Variants in KLC3 observed in about 807,000 individuals in gnomAD.
KLC3 encodes kinesin light chain 3, also known as kinesin light chain 2.
In KLC3, 72 loss-of-function variants were observed where a neutral mutation model predicts 62.9. The ratio of observed to expected loss-of-function variants is 1.15; its 90% confidence interval spans 0.95 to 1.39. KLC3 has a LOEUF of 1.39. Ranked by LOEUF, KLC3 falls within the 40% of genes most tolerant of loss-of-function variation. KLC3 has a pLI of 0.00. For synonymous variants in KLC3, 377 were observed against 300.5 expected (o/e 1.25, Z -2.63); for missense variants, 848 against 691.6 (o/e 1.23, Z -2.54).
chr19:45,346,647 A>T lies in KLC3; in HGVS notation c.362A>T (p.Glu121Val), dbSNP rs758066797. 3 of 1,555,640 alleles carry T rather than the reference A, an allele frequency of 1.9e-6. No individual in the cohort carries two copies. The South Asian group carries it at 3.6e-5, about 18-fold the overall frequency. ...GCCCAGGAGAACGTGTGGCTGCGGG[A>T]GGAACTGGAGGAGACGCAGCGGCGG... ...RLAQENVWLREELEETQRRLR... is the reference protein window; with the variant it reads ...RLAQENVWLRVELEETQRRLR... The change falls in exon 3 of 13, where the codon GAG becomes GTG. Residue 121 changes from glutamate to valine, a missense_variant. By Grantham distance (121) the Glu-to-Val change is moderately radical. Coordinates refer to ENST00000391946, the MANE Select transcript of KLC3 (RefSeq NM_177417.3).
intron 1 of KLC3, among the ~76,000 whole-genome samples, chr19:45,343,059 G>T (rs562757448): frequency 1.3e-5 from 2 of 152,186 alleles, no homozygotes; most frequent in Non-Finnish European, 2.9e-5. Context: ...TGTGCATGGC[G>T]TGTAGGTGTG....
At chr19:45,346,265 CT>C (rs1246491520) in intron 2 of KLC3, among the ~76,000 whole-genome samples, 1 of 152,038 alleles carries the variant, frequency 6.6e-6, no homozygotes, top group Non-Finnish European at 1.5e-5. Flanking sequence ...GATGGAGTCC[CT>C]TGGCAGCTTT....
At chr19:45,344,593 G>A (rs752970238) in intron 1 of KLC3, among the ~76,000 whole-genome samples, 3 of 152,110 alleles carry the variant, frequency 2.0e-5, no homozygotes, top group Non-Finnish European at 2.9e-5. Flanking sequence ...TGTGTATGTT[G>A]CATTGTGTCT....
intron 7 of KLC3, 22 bp from the exon 8 acceptor site, chr19:45,349,407 A>T (rs1287575749): frequency 6.3e-7 from 1 of 1,586,808 alleles, no homozygotes; most frequent in Non-Finnish European, 8.6e-7. Flanking sequence ...GATCCCTCTG[A>T]CTTGTGACCC....
intron 1 of KLC3, chr19:45,345,159 A>T: frequency 2.5e-6 from 1 of 399,946 alleles, no homozygotes; most frequent in Admixed American, 4.2e-5. Flanking sequence ...GCTCTGGGCC[A>T]GGGGATCCAA....
chr19:45,344,855 G>A (rs1414587989), intron 1 of KLC3: 1 of 153,768 alleles, frequency 6.5e-6, no homozygotes, highest in African/African-American at 2.4e-5. Context: ...GGCTGGCTAA[G>A]CTTGTCCGAT....
At chr19:45,345,445 G>T (rs1971467155) in intron 1 of KLC3, 89 bp from the exon 2 acceptor site, 1 of 1,521,332 alleles carries the variant, frequency 6.6e-7, no homozygotes, top group Non-Finnish European at 8.9e-7. Flanking sequence ...GAAGTTAGGG[G>T]TCCTGATGGC....
intron 1 of KLC3, among the ~76,000 whole-genome samples, chr19:45,341,776 C>CGTGTGCGTGTGT (rs1971401445): frequency 7.4e-6 from 1 of 134,830 alleles, no homozygotes; most frequent in African/African-American, 3.1e-5. Flanking sequence ...GCCGTGTGTG[C>CGTGTGCGTGTGT]GTGTGTGTGT....
intron 8 of KLC3, 152 bp downstream of exon 8, chr19:45,349,754 C>T (rs1971625178): frequency 2.8e-6 from 2 of 703,342 alleles, no homozygotes; most frequent in Non-Finnish European, 4.5e-6. Flanking sequence ...GGAGCTGGCT[C>T]AGCACAGAAC....
At chr19:45,341,499 G>C (rs1441153290) in intron 1 of KLC3, among the ~76,000 whole-genome samples, 1 of 151,620 alleles carries the variant, frequency 6.6e-6, no homozygotes, top group Non-Finnish European at 1.5e-5. Context: ...CTGGTTGTAG[G>C]ATTAGGTGTG....
chr19:45,350,473 CTCTA>C, intron 9 of KLC3, 37 bp from the exon 10 acceptor site: 1 of 1,613,430 alleles, frequency 6.2e-7, no homozygotes, highest in African/African-American at 1.3e-5. Flanking sequence ...CTGGTGGCTT[CTCTA>C]TGTCCCCATC....
rs1168895183 is a variant in KLC3 at position 45,340,773 on chromosome 19, G to C, written c.-82G>C. ...CCAGACGCCCGGCGCAGCGGGAGCGGCGGGGCGTGCCTGGCCTGCGGGACG... is the reference window on the plus strand; with the variant it reads ...CCAGACGCCCGGCGCAGCGGGAGCGCCGGGGCGTGCCTGGCCTGCGGGACG... On this transcript the variant is annotated 5_prime_UTR_variant, in exon 1 of 13. Coordinates refer to ENST00000391946, the MANE Select transcript of KLC3 (RefSeq NM_177417.3). 1.3e-5 allele frequency: 2 copies of C among 152,146 alleles called. No individual in the cohort carries two copies. Among genetic ancestry groups the C allele is most frequent in the South Asian group, 2.1e-4 (1 of 4,828 alleles). 9.4% of individuals were successfully genotyped at this position (152,146 alleles called of 1,614,324 possible).
chr19:45,349,705 G>GGGGGGGT, intron 8 of KLC3, 103 bp downstream of exon 8: 1 of 789,686 alleles, frequency 1.3e-6, no homozygotes, highest in South Asian at 2.0e-5. Flanking sequence ...GTGGGGGGGG[G>GGGGGGGT]CCCCCCAGGC....
intron 8 of KLC3, chr19:45,350,109 G>GATAC (rs1435743091): frequency 3.6e-6 from 2 of 551,602 alleles, no homozygotes; most frequent in Non-Finnish European, 6.5e-6. Context: ...GCAGGGGAAG[G>GATAC]ATACGGCCAG....
In KLC3 at chr19:45,349,898, C is replaced by T. The variant is rs1173214373; in HGVS notation, c.1143+296C>T. On this transcript the variant is annotated intron_variant, in intron 8 of 12. Transcript: ENST00000391946. ...GGCTCCCCTCTTAGCCCGGTCCCCA[C>T]ATCGCTAGTTCTTATAGCGTCCCTA... The T allele has an allele frequency of 6.5e-6, 3 of 462,506 alleles. No individual in the cohort carries two copies. In the Admixed American group the frequency reaches 1.2e-4, roughly 18 times the overall value. 28.7% of individuals were successfully genotyped at this position (462,506 alleles called of 1,614,324 possible). A position where few individuals can be genotyped will look rare whatever the true frequency, so the allele number is the denominator to read the frequency against.
At chr19:45,341,147 G>A (rs1474235867) in intron 1 of KLC3, among the ~76,000 whole-genome samples, 2 of 152,104 alleles carry the variant, frequency 1.3e-5, no homozygotes, top group South Asian at 2.1e-4. Flanking sequence ...TGCGGCTTGC[G>A]GGGCTGGGCC....
At chr19:45,349,948 T>G in intron 8 of KLC3, 1 of 408,956 alleles carries the variant, frequency 2.4e-6, no homozygotes, top group Non-Finnish European at 4.4e-6. Flanking sequence ...TCGCTCCACT[T>G]TGCGTGTGGG....
chr19:45,346,704 TGGA>T lies in KLC3; in HGVS notation c.427_429del (p.Glu143del), dbSNP rs760888508. The T allele has an allele frequency of 3.5e-5, 55 of 1,576,486 alleles. No individual in the cohort carries two copies. The Middle Eastern group carries it at 5.0e-4, about 14-fold the overall frequency. On this transcript the variant is annotated inframe_deletion, in exon 3 of 13. Coordinates refer to ENST00000391946, the MANE Select transcript of KLC3 (RefSeq NM_177417.3). ...GCCAGCGAGGAGTCCGTGGCCCAGCTGGAGGAGGAGAAGCGCCACCTGGAGTTC... is the reference window on the plus strand; with the variant it reads ...GCCAGCGAGGAGTCCGTGGCCCAGCTGGAGGAGAAGCGCCACCTGGAGTTC...
At position 45,345,099 on chromosome 19, in the gene KLC3, T is replaced by C. The variant is rs566404506; in HGVS notation, c.-8-435T>C. The C allele has an allele frequency of 8.4e-5, 18 of 214,330 alleles. 1 individual carries two copies. The South Asian group carries it at 1.4e-3, about 17-fold the overall frequency. 13.3% of individuals were successfully genotyped at this position (214,330 alleles called of 1,614,324 possible). A position where few individuals can be genotyped will look rare whatever the true frequency, so the allele number is the denominator to read the frequency against. ...CGCCTCCACACGCCCCGCCTCACTC[T>C]GCCGGCAGAGGAGGGTGCCTCTGGT... On this transcript the variant is annotated intron_variant, in intron 1 of 12. Coordinates refer to ENST00000391946, the MANE Select transcript of KLC3 (RefSeq NM_177417.3).
Sources: allele counts gnomAD v4.1 joint callset (sites outside exome capture counted in the v4.1 genomes callset), GRCh38; gene constraint gnomAD v4.1.1; transcripts MANE v1.5; gene names NCBI Gene and HGNC (gene_info 2026-07-23, HGNC 2026-07-21).